The following DLC1 variants were observed in gnomAD, a reference collection of about 807,000 sequenced individuals.
The protein encoded by DLC1 is DLC1 Rho GTPase activating protein.
A neutral mutation model predicts 140.3 loss-of-function variants in DLC1; 54 were observed. The ratio of observed to expected loss-of-function variants is 0.38; its 90% CI spans 0.31 to 0.48. The LOEUF is 0.48. DLC1 is among the 20% of genes least tolerant of loss of function. DLC1 has a pLI of 0.96. For synonymous variants in DLC1, 986 were observed against 728.1 expected (o/e 1.35, Z -5.70); for missense variants, 2,536 against 1,907.0 (o/e 1.33, Z -6.14).
chr8:13,143,477 A>G (rs922924418), intron 5 of DLC1, among the ~76,000 whole-genome samples: 4 of 152,130 alleles, frequency 2.6e-5, no homozygotes, highest in East Asian at 1.9e-4. Context: ...TCTTTTTGAG[A>G]CAGGGTCTCA....
At chr8:13,219,967 T>A (rs920702503) in intron 5 of DLC1, among the ~76,000 whole-genome samples, 1 of 152,130 alleles carries the variant, frequency 6.6e-6, no homozygotes, top group East Asian at 1.9e-4. Flanking sequence ...CTATCGAGAA[T>A]AGATAAATCC....
intron 2 of DLC1, among the ~76,000 whole-genome samples, chr8:13,403,577 AG>A (rs1322411437): frequency 6.6e-6 from 1 of 152,188 alleles, no homozygotes; most frequent in Non-Finnish European, 1.5e-5. Context: ...TCAAGATATA[AG>A]CAAAGGAGTG....
At chr8:13,239,899 G>A (rs897354969) in intron 5 of DLC1, among the ~76,000 whole-genome samples, 3 of 152,184 alleles carry the variant, frequency 2.0e-5, no homozygotes, top group Non-Finnish European at 4.4e-5. Context: ...AATTTGGGAG[G>A]TAAGCCAAGG....
At chr8:13,121,727 A>T (rs11778258) in intron 5 of DLC1, among the ~76,000 whole-genome samples, 22 of 51,934 alleles carry the variant, frequency 4.2e-4, no homozygotes, top group African/African-American at 2.6e-3. Flanking sequence ...TTTTTATACT[A>T]TTTTTTATAG....
intron 2 of DLC1, among the ~76,000 whole-genome samples, chr8:13,490,771 G>A (rs749234154): frequency 2.0e-5 from 3 of 151,978 alleles, no homozygotes; most frequent in East Asian, 3.9e-4. Context: ...TCATAAAAGT[G>A]TATTAATTCT....
intron 2 of DLC1, among the ~76,000 whole-genome samples, chr8:13,453,552 ATATATTT>A (rs1488348177): frequency 4.0e-5 from 3 of 75,782 alleles, no homozygotes; most frequent in African/African-American, 2.4e-4. Context: ...ATATATATAT[ATATATTT>A]TTTTTTTTTT....
In DLC1 at chr8:13,140,496, G is replaced by A. The variant is rs116037057; in HGVS notation, c.1349-24839C>T. ...GATTCGCCTGCCTCTGCCTTCCAAAGTGCTGGGATTACAGGTTGAGCCACA... is the reference window on the plus strand; with the variant it reads ...GATTCGCCTGCCTCTGCCTTCCAAAATGCTGGGATTACAGGTTGAGCCACA... On this transcript the variant is annotated intron_variant, in intron 5 of 17. Transcript: ENST00000276297. Among the ~76,000 whole-genome samples, 1,485 of 151,482 alleles carry A rather than the reference G, an allele frequency of 9.8e-3. 19 individuals carry two copies. The highest frequency in any genetic ancestry group is 0.033 in the African/African-American group (1,375 of 41,304).
chr8:13,478,580 C>T (rs1349026340), intron 2 of DLC1, among the ~76,000 whole-genome samples: 3 of 152,166 alleles, frequency 2.0e-5, no homozygotes, highest in Non-Finnish European at 4.4e-5. Context: ...GAACTCTTAG[C>T]TAAAGTCTAA....
intron 5 of DLC1, among the ~76,000 whole-genome samples, chr8:13,188,843 A>AT (rs869162448): frequency 3.7e-3 from 113 of 30,646 alleles, no homozygotes; most frequent in East Asian, 0.021. Flanking sequence ...ATATATATAT[A>AT]TTTTTTTTTT....
intron 1 of DLC1, chr8:13,584,531 C>T (rs557139741): frequency 3.3e-5 from 5 of 152,216 alleles, no homozygotes; most frequent in African/African-American, 1.2e-4. Flanking sequence ...ACTTGTTTTC[C>T]TCTGAGACAT....
chr8:13,094,771 G>T lies in DLC1; in HGVS notation c.3514C>A (p.Gln1172Lys). ...MTNKLSETFL[Q>K]IYQYVPKDQR... ...AAAGGACACTCACATTGGTAGATCTGTAGAAAGGTTTCCGAGAGTTTGTTC... is the reference window on the plus strand; with the variant it reads ...AAAGGACACTCACATTGGTAGATCTTTAGAAAGGTTTCCGAGAGTTTGTTC... The change falls in exon 12 of 18, where the codon CAG becomes AAG. Residue 1172 changes from glutamine to lysine, a missense_variant. Physicochemically the swap from Gln to Lys is moderately conservative, Grantham distance 53. Transcript: ENST00000276297. 3.7e-6 allele frequency: 6 copies of T among 1,614,190 alleles called. No individual in the cohort carries two copies. Among genetic ancestry groups the T allele is most frequent in the Non-Finnish European group, 3.4e-6 (4 of 1,180,028 alleles).
intron 5 of DLC1, among the ~76,000 whole-genome samples, chr8:13,278,817 T>C (rs1831263875): frequency 6.6e-6 from 1 of 152,244 alleles, no homozygotes; most frequent in South Asian, 2.1e-4. Context: ...CTATAATGTA[T>C]GATAAAGTCG....
intron 1 of DLC1, among the ~76,000 whole-genome samples, chr8:13,522,884 T>G (rs1212054504): frequency 6.6e-6 from 1 of 151,972 alleles, no homozygotes; most frequent in Non-Finnish European, 1.5e-5. Context: ...ATATCTTGGG[T>G]CACAGAGTTC....
At chr8:13,221,610 A>T (rs1828551707) in intron 5 of DLC1, among the ~76,000 whole-genome samples, 1 of 150,216 alleles carries the variant, frequency 6.7e-6, no homozygotes, top group Non-Finnish European at 1.5e-5. Flanking sequence ...ACCTCAAGTG[A>T]TCTGCCCTCC....
chr8:13,371,207 A>G (rs765303085), intron 4 of DLC1, among the ~76,000 whole-genome samples: 1 of 152,008 alleles, frequency 6.6e-6, no homozygotes, highest in Non-Finnish European at 1.5e-5. Flanking sequence ...TCTTGAATCC[A>G]TGTATGCCTC....
At chr8:13,143,094 T>C (rs943642966) in intron 5 of DLC1, among the ~76,000 whole-genome samples, 3 of 149,868 alleles carry the variant, frequency 2.0e-5, no homozygotes, top group Non-Finnish European at 4.4e-5. Context: ...CAATATCATA[T>C]TGGTGGGTGC....
At chr8:13,360,396 C>T (rs59145747) in intron 4 of DLC1, among the ~76,000 whole-genome samples, 18 of 152,252 alleles carry the variant, frequency 1.2e-4, no homozygotes, top group African/African-American at 3.9e-4. Flanking sequence ...AAGCCCCCCA[C>T]GAGATTATCA....
chr8:13,436,623 C>G (rs984802435), intron 2 of DLC1, among the ~76,000 whole-genome samples: 1 of 152,070 alleles, frequency 6.6e-6, no homozygotes, highest in South Asian at 2.1e-4. Context: ...CATTTTAACA[C>G]ACAGCAACTG....
intron 5 of DLC1, among the ~76,000 whole-genome samples, chr8:13,153,849 C>T (rs1170077564): frequency 6.6e-6 from 1 of 152,148 alleles, no homozygotes; most frequent in African/African-American, 2.4e-5. Context: ...TTGAGCTAGA[C>T]ACAGAGTGCT....
Sources: gnomAD v4.1 joint callset for allele counts (sites outside exome capture counted in the v4.1 genomes callset) on GRCh38, gnomAD v4.1.1 for gene constraint, MANE v1.5 for transcripts, NCBI Gene and HGNC (gene_info 2026-07-23, HGNC 2026-07-21) for gene names.